NSUN4: variants seen among roughly 807,000 people sequenced by gnomAD.
The protein encoded by NSUN4 is NOP2/Sun RNA methyltransferase 4.
NSUN4 carries 31 observed loss-of-function variants against 43.8 expected under a neutral mutation model. The ratio of observed to expected loss-of-function variants is 0.71; its 90% CI spans 0.53 to 0.96. The LOEUF (loss-of-function observed/expected upper bound fraction) is 0.96, where lower values mean the gene tolerates loss of function less well. Among genes scored for constraint, NSUN4 ranks in the 40% least tolerant of loss-of-function variants. The pLI, the probability that NSUN4 is intolerant of heterozygous loss-of-function variation, is 0.00. For missense variants in NSUN4, 439 were observed against 475.6 expected, an observed-to-expected ratio of 0.92 and a Z score of 0.72; for synonymous variants, 167 against 184.1, an observed-to-expected ratio of 0.91 and a Z score of 0.75.
chr1:46,353,516 G>A (rs565101850), intron 4 of NSUN4, among the ~76,000 whole-genome samples: 37 of 149,988 alleles, frequency 2.5e-4, no homozygotes, highest in Admixed American at 2.1e-3. Context: ...CGCTTTTGTT[G>A]CCCAGGCTGG....
chr1:46,350,829 C>T (rs541416030), intron 3 of NSUN4, among the ~76,000 whole-genome samples: 1 of 152,320 alleles, frequency 6.6e-6, no homozygotes, highest in African/African-American at 2.4e-5. Flanking sequence ...GCCTCCCTCC[C>T]TTTAAGAGGG....
In NSUN4 at chr1:46,364,991, T is replaced by G. The variant is rs542904294; in HGVS notation, c.*3145T>G. On this transcript the variant is annotated 3_prime_UTR_variant, in exon 6 of 6. Transcript: ENST00000474844. ...TCTTTCTCTTGCTGCCCTGTATCCT[T>G]TGCCTTTAAATAAAAATCTTAAGTG... is the stretch of plus-strand genomic sequence containing the variant. The G allele has an allele frequency of 4.9e-4, 74 of 152,370 alleles. No individual in the cohort carries two copies. The highest frequency in any genetic ancestry group is 1.7e-3 in the African/African-American group (72 of 41,596). 9.4% of individuals were successfully genotyped at this position (152,370 alleles called of 1,614,324 possible). A position where few individuals can be genotyped will look rare whatever the true frequency, so the allele number is the denominator to read the frequency against.
the NSUN4 span, among the ~76,000 whole-genome samples, chr1:46,374,806 T>G: frequency 6.6e-6 from 1 of 151,506 alleles, no homozygotes; most frequent in Non-Finnish European, 1.5e-5. Flanking sequence ...TATGAGTATA[T>G]GAGTATAAGC....
At chr1:46,375,506 A>G in the NSUN4 span, among the ~76,000 whole-genome samples, 2 of 150,984 alleles carry the variant, frequency 1.3e-5, no homozygotes, top group Non-Finnish European at 3.0e-5. Flanking sequence ...GGTGGAGGCG[A>G]GAGTCTTTTT....
Position 46,363,738 on chromosome 1 carries a change from A to G in NSUN4, c.*1892A>G, listed in dbSNP as rs751316351. The G allele has an allele frequency of 7.9e-5, 12 of 152,636 alleles. No homozygotes were observed. Among genetic ancestry groups the G allele is most frequent in the Non-Finnish European group, 1.2e-4 (8 of 68,044 alleles). The allele number at this position is 152,636 out of a possible 1,614,324, so 9.5% of individuals were successfully genotyped here. A position where few individuals can be genotyped will look rare whatever the true frequency, so the allele number is the denominator to read the frequency against. ...CATGAGCAAGAGAGTGGACAAGTAA[A>G]CTGGAATATTCACATAATAGAACAT... On this transcript the variant is annotated 3_prime_UTR_variant, in exon 6 of 6. Coordinates refer to ENST00000474844, the MANE Select transcript of NSUN4 (RefSeq NM_199044.4).
At chr1:46,368,894 A>G (rs1664194374), downstream of NSUN4, among the ~76,000 whole-genome samples, 1 of 152,176 alleles carries the variant, frequency 6.6e-6, no homozygotes, top group Non-Finnish European at 1.5e-5. Flanking sequence ...TTTTACAGAA[A>G]GATCCTTTGT....
At chr1:46,355,835 T>A (rs1313314649) in intron 4 of NSUN4, among the ~76,000 whole-genome samples, 2 of 151,974 alleles carry the variant, frequency 1.3e-5, no homozygotes, top group African/African-American at 4.8e-5. Context: ...GCCAACGTGG[T>A]GAAACCCCGT....
chr1:46,352,337 AG>A (rs1663060325), intron 3 of NSUN4, among the ~76,000 whole-genome samples: 2 of 152,230 alleles, frequency 1.3e-5, no homozygotes, highest in South Asian at 4.1e-4. Flanking sequence ...CCATAGTCCC[AG>A]CTACTCAGGA....
intron 1 of NSUN4, chr1:46,344,233 C>G (rs1306757469): frequency 6.3e-6 from 1 of 159,804 alleles, no homozygotes; most frequent in Non-Finnish European, 1.4e-5. Flanking sequence ...GGGAACTCTC[C>G]CAGCATGACC....
chr1:46,341,785 C>T (rs1218968069), intron 1 of NSUN4: 19 of 1,232,260 alleles, frequency 1.5e-5, no homozygotes, highest in Non-Finnish European at 1.9e-5. Context: ...TTCAGCATTC[C>T]GGGGTCACCC....
chr1:46,344,051 C>A, intron 1 of NSUN4: 1 of 339,824 alleles, frequency 2.9e-6, no homozygotes. Context: ...CTGCAGCAAC[C>A]AGGACCGACT....
chr1:46,360,246 AAAAATATATATAT>A (rs1430548143), intron 4 of NSUN4, among the ~76,000 whole-genome samples: 69 of 28,630 alleles, frequency 2.4e-3, no homozygotes, highest in African/African-American at 3.6e-3. Flanking sequence ...AAAAAAAAAA[AAAAATATATATAT>A]ATATATATAT....
In NSUN4 at chr1:46,344,815, C is replaced by T. The variant is rs1418335526; in HGVS notation, c.108C>T (p.Pro36=). ...RYKKKWAATE[P]KFPAVRLALQ... is the part of the protein sequence containing the mutation. ...CTCTCTTTTAGGCTGCCACAGAGCCCAAATTCCCTGCTGTTCGACTGGCTT... is the reference window on the plus strand; with the variant it reads ...CTCTCTTTTAGGCTGCCACAGAGCCTAAATTCCCTGCTGTTCGACTGGCTT... The change falls in exon 2 of 6, where the codon CCC becomes CCT. Residue 36 remains proline (P), a synonymous_variant. Coordinates refer to ENST00000474844, the MANE Select transcript of NSUN4 (RefSeq NM_199044.4). 1 of 1,613,868 alleles carries T rather than the reference C, an allele frequency of 6.2e-7. No homozygotes were observed. Among genetic ancestry groups the T allele is most frequent in the East Asian group, 2.2e-5 (1 of 44,884 alleles).
intron 2 of NSUN4, among the ~76,000 whole-genome samples, 189 bp from the exon 3 acceptor site, chr1:46,346,732 A>G (rs1662532993): frequency 2.0e-5 from 3 of 152,108 alleles, no homozygotes; most frequent in Admixed American, 2.0e-4. Context: ...CAGTCAATCA[A>G]TCAGTAAATA....
chr1:46,351,221 C>T (rs965462320), intron 3 of NSUN4, among the ~76,000 whole-genome samples: 9 of 152,038 alleles, frequency 5.9e-5, no homozygotes, highest in Non-Finnish European at 1.0e-4. Context: ...CAAAATTTGC[C>T]GGCGTGGTGG....
At position 46,362,229 on chromosome 1, in the gene NSUN4, C is replaced by A; in HGVS notation, c.*383C>A. On this transcript the variant is annotated 3_prime_UTR_variant, in exon 6 of 6. Transcript: ENST00000474844. The stretch of plus-strand genomic sequence containing the variant: ...TGCAGTTGGGGACTTCATGTCAGTG[C>A]AAATGCCATTAGTTCCATTTGTACC... 1 of 213,522 alleles carries A rather than the reference C, an allele frequency of 4.7e-6. No homozygotes were observed. Among genetic ancestry groups the A allele is most frequent in the Non-Finnish European group, 9.4e-6 (1 of 106,522 alleles). The allele number at this position is 213,522 out of a possible 1,614,324, so 13.2% of individuals were successfully genotyped here.
At chr1:46,382,994 G>A in the NSUN4 span, among the ~76,000 whole-genome samples, 1 of 152,110 alleles carries the variant, frequency 6.6e-6, no homozygotes, top group Non-Finnish European at 1.5e-5. Context: ...TAGGGAACCT[G>A]TGTGTGTGTG....
intron 4 of NSUN4, among the ~76,000 whole-genome samples, chr1:46,355,891 G>C (rs1183291647): frequency 6.6e-6 from 1 of 152,024 alleles, no homozygotes; most frequent in Non-Finnish European, 1.5e-5. Context: ...GCAGGCACCT[G>C]TAATCCCAGC....
chr1:46,350,783 C>T (rs923868793), intron 3 of NSUN4, among the ~76,000 whole-genome samples: 2 of 152,090 alleles, frequency 1.3e-5, no homozygotes, highest in Non-Finnish European at 2.9e-5. Flanking sequence ...TCCCTTTTTC[C>T]TTTTGCAACG....
Sources: allele counts gnomAD v4.1 joint callset (sites outside exome capture counted in the v4.1 genomes callset), GRCh38; gene constraint gnomAD v4.1.1; transcripts MANE v1.5; gene names NCBI Gene and HGNC (gene_info 2026-07-23, HGNC 2026-07-21).